The following PTPRD variants were observed in gnomAD, a reference collection of about 807,000 sequenced individuals.
The protein encoded by PTPRD is protein tyrosine phosphatase receptor type D.
In PTPRD, 34 loss-of-function variants were observed where a neutral mutation model predicts 214.5. The ratio of observed to expected loss-of-function variants is 0.16; its 90% CI spans 0.12 to 0.21. PTPRD has a LOEUF of 0.21. Among genes scored for constraint, PTPRD ranks in the 10% least tolerant of loss-of-function variants. The pLI is 1.00. For synonymous variants in PTPRD, 1,128 were observed against 845.7 expected, an observed-to-expected ratio of 1.33 and a Z score of -5.79; for missense variants, 2,545 against 2,398.7, an observed-to-expected ratio of 1.06 and a Z score of -1.27.
chr9:9,835,472 T>C (rs553181939), intron 5 of PTPRD, among the ~76,000 whole-genome samples: 21 of 152,220 alleles, frequency 1.4e-4, no homozygotes, highest in Non-Finnish European at 2.8e-4. Flanking sequence ...GTGATGTACA[T>C]TGTATTGTTG....
chr9:8,925,862 T>TTA (rs1048599469), intron 11 of PTPRD, among the ~76,000 whole-genome samples: 59 of 150,664 alleles, frequency 3.9e-4, no homozygotes, highest in South Asian at 6.3e-4. Flanking sequence ...TGCAATATTT[T>TTA]TTTTTTTTTT....
intron 3 of PTPRD, among the ~76,000 whole-genome samples, chr9:10,312,125 G>C (rs571690272): frequency 6.6e-6 from 1 of 152,046 alleles, no homozygotes; most frequent in South Asian, 2.1e-4. Flanking sequence ...ATAGTCAGTA[G>C]TCAGACATGA....
At chr9:9,761,467 A>T (rs1292045825) in intron 6 of PTPRD, among the ~76,000 whole-genome samples, 1 of 152,146 alleles carries the variant, frequency 6.6e-6, no homozygotes, top group African/African-American at 2.4e-5. Flanking sequence ...GAACTATTCA[A>T]TGTCTTGACT....
At chr9:8,678,366 T>C (rs991715463) in intron 12 of PTPRD, among the ~76,000 whole-genome samples, 2 of 152,202 alleles carry the variant, frequency 1.3e-5, no homozygotes, top group South Asian at 2.1e-4. Context: ...ATCACACTTA[T>C]GTTCCTTCTG....
intron 2 of PTPRD, among the ~76,000 whole-genome samples, chr9:10,391,222 G>A (rs559500325): frequency 7.9e-5 from 12 of 151,712 alleles, no homozygotes; most frequent in Non-Finnish European, 1.8e-4. Context: ...AACAAAGAAG[G>A]CCAAGCTGTA....
chr9:9,325,484 C>T (rs555496137), intron 9 of PTPRD, among the ~76,000 whole-genome samples: 2 of 152,156 alleles, frequency 1.3e-5, no homozygotes, highest in African/African-American at 4.8e-5. Context: ...CATTATTTGG[C>T]TCTCTGTTTG....
intron 35 of PTPRD, among the ~76,000 whole-genome samples, chr9:8,427,785 T>C (rs937754115): frequency 7.2e-5 from 11 of 152,152 alleles, no homozygotes; most frequent in African/African-American, 1.4e-4. Context: ...ACATTTCCTT[T>C]CCACATTCTA....
intron 10 of PTPRD, among the ~76,000 whole-genome samples, chr9:9,023,917 T>G (rs1197872479): frequency 6.6e-6 from 1 of 152,120 alleles, no homozygotes; most frequent in Non-Finnish European, 1.5e-5. Flanking sequence ...CACAGCTTTC[T>G]CATTATCTCA....
At chr9:8,804,200 G>A (rs1046103524) in intron 11 of PTPRD, among the ~76,000 whole-genome samples, 2 of 152,028 alleles carry the variant, frequency 1.3e-5, no homozygotes, top group South Asian at 2.1e-4. Flanking sequence ...TGATCCATCC[G>A]CCTCAGCCTC....
intron 11 of PTPRD, among the ~76,000 whole-genome samples, chr9:8,919,514 TC>T (rs2098810399): frequency 6.6e-6 from 1 of 152,200 alleles, no homozygotes; most frequent in African/African-American, 2.4e-5. Context: ...ATTATAGTTT[TC>T]ATTCTAAAAA....
intron 10 of PTPRD, among the ~76,000 whole-genome samples, chr9:9,166,327 C>T (rs543825981): frequency 6.6e-6 from 1 of 152,094 alleles, no homozygotes. Context: ...AACTGACTCT[C>T]TTGTGTTTAT....
intron 9 of PTPRD, among the ~76,000 whole-genome samples, chr9:9,252,084 C>T (rs1355501484): frequency 6.6e-6 from 1 of 151,918 alleles, no homozygotes; most frequent in Non-Finnish European, 1.5e-5. Context: ...GGATATTTAA[C>T]ATGGTGCCAC....
intron 12 of PTPRD, among the ~76,000 whole-genome samples, chr9:8,650,543 A>G (rs866492491): frequency 0.012 from 1,804 of 151,870 alleles, 23 homozygotes; most frequent in South Asian, 0.022. Context: ...AAAAAAAAAA[A>G]AAAAGTGGAT....
intron 11 of PTPRD, among the ~76,000 whole-genome samples, chr9:8,789,262 T>C (rs1349652542): frequency 6.6e-6 from 1 of 152,190 alleles, no homozygotes; most frequent in Admixed American, 6.5e-5. Context: ...ATCTGCCACA[T>C]TTTGCAGCAG....
intron 34 of PTPRD, among the ~76,000 whole-genome samples, chr9:8,446,526 G>C (rs1278561784): frequency 6.6e-6 from 1 of 152,068 alleles, no homozygotes; most frequent in Non-Finnish European, 1.5e-5. Flanking sequence ...TTGCCTTTGG[G>C]AACAAATTCT....
chr9:8,330,004 C>A (rs1403731710), intron 44 of PTPRD, among the ~76,000 whole-genome samples: 13 of 151,898 alleles, frequency 8.6e-5, no homozygotes, highest in Non-Finnish European at 1.8e-4. Context: ...ACACACCAAG[C>A]CAGGCACTGG....
intron 8 of PTPRD, among the ~76,000 whole-genome samples, chr9:9,400,241 T>C (rs2069741544): frequency 6.6e-6 from 1 of 151,944 alleles, no homozygotes; most frequent in South Asian, 2.1e-4. Context: ...AGCAGAGATC[T>C]ATGGCTTCCT....
intron 2 of PTPRD, among the ~76,000 whole-genome samples, chr9:10,577,735 C>A (rs1283480146): frequency 6.6e-6 from 1 of 152,054 alleles, no homozygotes; most frequent in African/African-American, 2.4e-5. Context: ...CAACATAGAA[C>A]TTAAGATATT....
intron 9 of PTPRD, among the ~76,000 whole-genome samples, chr9:9,327,813 T>C (rs142297453): frequency 6.6e-5 from 10 of 152,006 alleles, no homozygotes; most frequent in African/African-American, 2.4e-4. Context: ...ATCACGGGTG[T>C]CCAATCTTTT....
Sources: allele counts gnomAD v4.1 joint callset (sites outside exome capture counted in the v4.1 genomes callset), GRCh38; gene constraint gnomAD v4.1.1; transcripts MANE v1.5; gene names NCBI Gene and HGNC (gene_info 2026-07-23, HGNC 2026-07-21).